The following SEPTIN14 variants were observed in gnomAD, a reference collection of about 807,000 sequenced individuals.
SEPTIN14 encodes septin-14.
SEPTIN14 carries 40 observed loss-of-function variants against 53.6 expected under a neutral mutation model. That is an observed-to-expected ratio of 0.75 (90% confidence interval 0.58 to 0.97). The LOEUF is 0.97. Ranked by LOEUF, SEPTIN14 falls within the 50% of genes least tolerant of loss-of-function variation. The probability of loss-of-function intolerance (pLI) is 0.00; values close to 1 mark genes in which losing one functional copy is unlikely to be tolerated. For missense variants in SEPTIN14, 471 were observed against 508.2 expected, an observed-to-expected ratio of 0.93 and a Z score of 0.70; for synonymous variants, 138 against 166.8, an observed-to-expected ratio of 0.83 and a Z score of 1.33.
intron 6 of SEPTIN14, among the ~76,000 whole-genome samples, chr7:55,823,052 T>C (rs1788925082): frequency 6.6e-6 from 1 of 152,194 alleles, no homozygotes; most frequent in Admixed American, 6.5e-5. Context: ...CCTAGGCAGA[T>C]AGGGGCAAGT....
At chr7:55,838,237 C>T (rs1240068778) in intron 5 of SEPTIN14, among the ~76,000 whole-genome samples, 3 of 152,060 alleles carry the variant, frequency 2.0e-5, no homozygotes, top group African/African-American at 7.2e-5. Flanking sequence ...AAGAATTATG[C>T]TTTTCTTAGC....
chr7:55,853,771 A>G (rs1041322283), intron 2 of SEPTIN14, among the ~76,000 whole-genome samples: 1 of 152,200 alleles, frequency 6.6e-6, no homozygotes, highest in African/African-American at 2.4e-5. Flanking sequence ...CTATAACAAA[A>G]TATCTCATAT....
chr7:55,819,244 G>A, intron 6 of SEPTIN14, 21 bp from the exon 7 acceptor site: 1 of 1,425,574 alleles, frequency 7.0e-7, no homozygotes, highest in South Asian at 1.2e-5. Flanking sequence ...AGAATGACAT[G>A]AATTGAATTC....
chr7:55,825,054 T>C (rs182957913), intron 6 of SEPTIN14, among the ~76,000 whole-genome samples: 173 of 152,310 alleles, frequency 1.1e-3, no homozygotes, highest in South Asian at 7.4e-3. Context: ...CAAATGTTTA[T>C]AGCAACTTTA....
intron 2 of SEPTIN14, among the ~76,000 whole-genome samples, chr7:55,859,327 A>C (rs1198715093): frequency 1.3e-5 from 2 of 152,078 alleles, no homozygotes; most frequent in Non-Finnish European, 2.9e-5. Context: ...ATAGAAATTC[A>C]GTTTTCCTGG....
At chr7:55,822,328 C>T (rs189230351) in intron 6 of SEPTIN14, among the ~76,000 whole-genome samples, 136 of 152,258 alleles carry the variant, frequency 8.9e-4, no homozygotes, top group African/African-American at 3.1e-3. Context: ...GTCAATGTTC[C>T]ATAACTTAAC....
At chr7:55,829,845 G>T (rs984850842) in intron 6 of SEPTIN14, among the ~76,000 whole-genome samples, 8 of 55,152 alleles carry the variant, frequency 1.5e-4, no homozygotes, top group African/African-American at 5.2e-4. Context: ...AAAAAAAAAA[G>T]CCTCTTCATA....
chr7:55,860,121 G>C (rs968885683), intron 2 of SEPTIN14, among the ~76,000 whole-genome samples: 4 of 151,394 alleles, frequency 2.6e-5, no homozygotes, highest in Non-Finnish European at 5.9e-5. Context: ...AGAGGTTGCA[G>C]TGAGCTGAGA....
At chr7:55,854,342 T>C (rs966424736) in intron 2 of SEPTIN14, among the ~76,000 whole-genome samples, 1 of 152,182 alleles carries the variant, frequency 6.6e-6, no homozygotes, top group Non-Finnish European at 1.5e-5. Context: ...TCTAACATCA[T>C]ACTTAATAGT....
chr7:55,795,465 T>C lies in SEPTIN14; in HGVS notation c.*448A>G, dbSNP rs1242988136. ...ATCTGCCTTCTGGGAGTTCATACTT[T>C]TTTTTTTTTTTTTTTTTTTGAGGCG... is the stretch of plus-strand genomic sequence containing the variant. On this transcript the variant is annotated 3_prime_UTR_variant, in exon 10 of 10. Transcript: ENST00000388975. The C allele has an allele frequency of 1.3e-4, 20 of 148,624 alleles. No individual in the cohort carries two copies. The highest frequency in any genetic ancestry group is 4.5e-4 in the African/African-American group (18 of 39,988). The allele number at this position is 148,624 out of a possible 1,614,324, so 9.2% of individuals were successfully genotyped here. A position where few individuals can be genotyped will look rare whatever the true frequency, so the allele number is the denominator to read the frequency against.
chr7:55,799,596 G>A (rs968377416), intron 9 of SEPTIN14, among the ~76,000 whole-genome samples: 2 of 151,336 alleles, frequency 1.3e-5, no homozygotes, highest in Non-Finnish European at 2.9e-5. Context: ...GACAGGGCAG[G>A]TATACTTATT....
At position 55,834,556 on chromosome 7, in the gene SEPTIN14, C is replaced by T; in HGVS notation, c.589G>A (p.Asp197Asn). ...VNIIPLIAKA[D>N]TISKNDLQTF... is the part of the protein sequence containing the mutation. ...TGTAAATCATTTTTAGAAATAGTGT[C>T]TGCTTTGGCAATCAGTGGTATAATA... is the stretch of plus-strand genomic sequence containing the variant. Residue 197 changes from aspartate to asparagine, a missense_variant, in exon 6 of 10, where the codon GAC becomes AAC. Transcript: ENST00000388975. 1 of 1,610,486 alleles carries T rather than the reference C, an allele frequency of 6.2e-7. No homozygotes were observed. Among genetic ancestry groups the T allele is most frequent in the African/African-American group, 1.3e-5 (1 of 74,972 alleles).
intron 5 of SEPTIN14, among the ~76,000 whole-genome samples, chr7:55,839,163 G>A (rs550896377): frequency 1.6e-4 from 25 of 151,994 alleles, no homozygotes; most frequent in African/African-American, 5.1e-4. Context: ...TGAGGCAGGC[G>A]GATCACCTGA....
intron 2 of SEPTIN14, among the ~76,000 whole-genome samples, chr7:55,854,861 A>G (rs1789586429): frequency 6.6e-6 from 1 of 152,236 alleles, no homozygotes; most frequent in South Asian, 2.1e-4. Flanking sequence ...TACTAAGAGA[A>G]CATATCAAAA....
chr7:55,842,915 A>C, intron 5 of SEPTIN14, 27 bp downstream of exon 5: 2 of 1,439,034 alleles, frequency 1.4e-6, no homozygotes, highest in Non-Finnish European at 1.8e-6. Context: ...CTCAAAAAAA[A>C]AAAGATGGTA....
intron 2 of SEPTIN14, chr7:55,850,896 C>T (rs1446183530): frequency 6.6e-6 from 1 of 151,988 alleles, no homozygotes; most frequent in African/African-American, 2.4e-5. Flanking sequence ...CGTGGTGAAA[C>T]CCGGTCTCTA....
In SEPTIN14 at chr7:55,845,341, A is replaced by G. The variant is rs535467348; in HGVS notation, c.176-623T>C. ...CAATGGTAGACTGGATAAAGAAAATATGGTACATATACACCATGGAATACT... is the reference window on the plus strand; with the variant it reads ...CAATGGTAGACTGGATAAAGAAAATGTGGTACATATACACCATGGAATACT... On this transcript the variant is annotated intron_variant, in intron 3 of 9. Coordinates refer to ENST00000388975, the MANE Select transcript of SEPTIN14 (RefSeq NM_207366.3). Among the ~76,000 whole-genome samples, 27 of 151,888 alleles carry G rather than the reference A, an allele frequency of 1.8e-4. No homozygotes were observed. The South Asian group carries it at 5.4e-3, about 30-fold the overall frequency.
chr7:55,805,375 A>G lies in SEPTIN14; in HGVS notation c.1002T>C (p.Phe334=). The G allele has an allele frequency of 1.9e-6, 3 of 1,590,488 alleles. No homozygotes were observed. The highest frequency in any genetic ancestry group is 2.6e-6 in the Non-Finnish European group (3 of 1,168,214). The change falls in exon 9 of 10, where the codon TTT becomes TTC. Residue 334 remains phenylalanine, a synonymous_variant. Transcript: ENST00000388975. ...NNQPVSFQEI[F]EAKRQEFYDQ... ...CATAGAACTCTTGTCTTTTGGCTTC[A>G]AAGATTTCTTGAAAACTAAAGAGAA...
intron 3 of SEPTIN14, among the ~76,000 whole-genome samples, chr7:55,845,211 C>T (rs1253004130): frequency 6.6e-6 from 1 of 152,168 alleles, no homozygotes; most frequent in Admixed American, 6.5e-5. Flanking sequence ...ATGTCCTTTG[C>T]AGGAACATGG....
Sources: allele counts gnomAD v4.1 joint callset (sites outside exome capture counted in the v4.1 genomes callset), GRCh38; gene constraint gnomAD v4.1.1; transcripts MANE v1.5; gene names NCBI Gene and HGNC (gene_info 2026-07-23, HGNC 2026-07-21).